DAB1: variants seen among roughly 807,000 people sequenced by gnomAD.
The protein encoded by DAB1 is DAB adaptor protein 1, also known as disabled homolog 1.
A neutral mutation model predicts 64.6 loss-of-function variants in DAB1; 15 were observed. The ratio of observed to expected loss-of-function variants is 0.23; its 90% CI spans 0.16 to 0.36. DAB1 has a LOEUF of 0.36. Ranked by LOEUF, DAB1 falls within the 10% of genes least tolerant of loss-of-function variation. The pLI, the probability that DAB1 is intolerant of heterozygous loss-of-function variation, is 1.00. For missense variants in DAB1, 596 were observed against 706.7 expected (o/e 0.84, Z 1.78); for synonymous variants, 235 against 251.9 (o/e 0.93, Z 0.64).
At chr1:57,473,322 A>G (rs1374046593) in intron 7 of DAB1, among the ~76,000 whole-genome samples, 1 of 152,154 alleles carries the variant, frequency 6.6e-6, no homozygotes, top group East Asian at 1.9e-4. Flanking sequence ...TGCCCTGGGT[A>G]TTGATTGCCG....
In DAB1 at chr1:58,383,248, A is replaced by G. The variant is rs528767778; in HGVS notation, n.258-39845T>C. Reference sequence around the variant, plus strand: ...AGGTTAAATTATTTAAAAGGATCAAATATAGTAAGTGCATGACAGAGTCAA... The same window carrying G: ...AGGTTAAATTATTTAAAAGGATCAAGTATAGTAAGTGCATGACAGAGTCAA... On this transcript the variant is annotated intron_variant and non_coding_transcript_variant, in intron 3 of 20. Transcript: ENST00000485760. 1.4e-4 allele frequency among the ~76,000 whole-genome samples: 21 copies of G among 152,328 alleles called. No individual in the cohort carries two copies. In the South Asian group the frequency reaches 4.1e-3, roughly 30 times the overall value.
At chr1:58,317,924 C>T (rs1423071174) in intron 4 of DAB1, among the ~76,000 whole-genome samples, 2 of 152,234 alleles carry the variant, frequency 1.3e-5, no homozygotes, top group African/African-American at 4.8e-5. Flanking sequence ...ACAGTGAGTT[C>T]TGCAAAGTCA....
At chr1:57,240,537 C>T (rs12567531) in intron 2 of DAB1, among the ~76,000 whole-genome samples, 1 of 152,100 alleles carries the variant, frequency 6.6e-6, no homozygotes, top group Non-Finnish European at 1.5e-5. Context: ...TGAGGATAAC[C>T]AAGGCTCAGA....
intron 3 of DAB1, among the ~76,000 whole-genome samples, chr1:58,452,048 T>C (rs1645143262): frequency 6.6e-6 from 1 of 151,544 alleles, no homozygotes; most frequent in African/African-American, 2.4e-5. Flanking sequence ...TTCTCTTGCC[T>C]TAGCCTCCTG....
chr1:57,916,058 C>A (rs1644722957), intron 5 of DAB1, among the ~76,000 whole-genome samples: 1 of 152,214 alleles, frequency 6.6e-6, no homozygotes. Flanking sequence ...GACCCCGGGT[C>A]TTCTTCCTCT....
chr1:58,159,015 T>C (rs1186931841), intron 4 of DAB1, among the ~76,000 whole-genome samples: 3 of 152,166 alleles, frequency 2.0e-5, no homozygotes, highest in Admixed American at 6.5e-5. Flanking sequence ...ACCTTCAAAA[T>C]AGAACTGGAG....
chr1:57,716,353 T>C (rs1647083921), intron 6 of DAB1, among the ~76,000 whole-genome samples: 1 of 152,182 alleles, frequency 6.6e-6, no homozygotes, highest in Non-Finnish European at 1.5e-5. Flanking sequence ...TACAAAACTA[T>C]AGTGCCAAAA....
At chr1:58,453,576 C>T (rs972760043) in intron 3 of DAB1, among the ~76,000 whole-genome samples, 8 of 152,090 alleles carry the variant, frequency 5.3e-5, no homozygotes, top group African/African-American at 9.7e-5. Flanking sequence ...GCCCGTGACC[C>T]GAGGCGTGCT....
chr1:58,219,063 T>C (rs766292214), intron 4 of DAB1, among the ~76,000 whole-genome samples: 104 of 150,198 alleles, frequency 6.9e-4, no homozygotes, highest in Admixed American at 2.5e-3. Context: ...AAAATACAGA[T>C]ACATTTTTTC....
At chr1:58,045,541 A>G (rs1360645897) in intron 5 of DAB1, among the ~76,000 whole-genome samples, 3 of 152,160 alleles carry the variant, frequency 2.0e-5, no homozygotes, top group South Asian at 4.1e-4. Context: ...TCCTGGGGGA[A>G]CTTCTGAGAG....
intron 4 of DAB1, among the ~76,000 whole-genome samples, chr1:58,156,786 G>A (rs900771577): frequency 3.9e-5 from 6 of 152,294 alleles, no homozygotes; most frequent in African/African-American, 1.4e-4. Flanking sequence ...TGTGGAAGGA[G>A]TTTAGACTGA....
chr1:58,417,305 T>C (rs1301926581), intron 3 of DAB1, among the ~76,000 whole-genome samples: 1 of 152,198 alleles, frequency 6.6e-6, no homozygotes. Flanking sequence ...GCATCAGACC[T>C]GGGAAAGAAC....
At chr1:57,557,620 T>C (rs925858516) in intron 7 of DAB1, among the ~76,000 whole-genome samples, 14 of 152,150 alleles carry the variant, frequency 9.2e-5, no homozygotes, top group African/African-American at 3.4e-4. Context: ...CTTAATATGA[T>C]TGACCCCAAA....
chr1:57,206,930 T>C (rs187701931), intron 2 of DAB1, among the ~76,000 whole-genome samples: 8 of 149,246 alleles, frequency 5.4e-5, no homozygotes, highest in Admixed American at 1.3e-4. Flanking sequence ...AACTCTTCTT[T>C]TCTTCTTTCT....
rs563355059 is a variant in DAB1 at position 57,543,247 on chromosome 1, G to T, written n.625+106345C>A. ...TGTTGAAGGGCAGATTCAGGCAGAT[G>T]AAATGGTTTAGGCAGAACCACATAG... On this transcript the variant is annotated intron_variant and non_coding_transcript_variant, in intron 7 of 20. Coordinates refer to the DAB1 transcript ENST00000485760. 2.0e-5 allele frequency among the ~76,000 whole-genome samples: 3 copies of T among 152,318 alleles called. No homozygotes were observed. The South Asian group carries it at 6.2e-4, about 32-fold the overall frequency.
intron 7 of DAB1, among the ~76,000 whole-genome samples, chr1:57,576,035 A>G (rs973636080): frequency 6.6e-6 from 1 of 152,248 alleles, no homozygotes; most frequent in South Asian, 2.1e-4. Flanking sequence ...CCAACTTAAA[A>G]TAGTTCAATT....
intron 7 of DAB1, among the ~76,000 whole-genome samples, chr1:57,494,621 A>G (rs1437328730): frequency 1.3e-5 from 2 of 152,224 alleles, no homozygotes; most frequent in African/African-American, 4.8e-5. Context: ...AGCTTGTATA[A>G]GTAGGCAAAC....
chr1:58,197,940 T>G (rs1044434536), intron 4 of DAB1, among the ~76,000 whole-genome samples: 7 of 152,204 alleles, frequency 4.6e-5, no homozygotes, highest in Non-Finnish European at 8.8e-5. Context: ...TGTAAATCTA[T>G]TCCCATCATC....
intron 5 of DAB1, among the ~76,000 whole-genome samples, chr1:57,899,674 G>C (rs1261303209): frequency 2.6e-5 from 4 of 151,426 alleles, no homozygotes; most frequent in African/African-American, 9.8e-5. Context: ...TTTCCACAAA[G>C]CTTCCCAAGG....
Sources: allele counts gnomAD v4.1 joint callset (sites outside exome capture counted in the v4.1 genomes callset), GRCh38; gene constraint gnomAD v4.1.1; transcripts MANE v1.5; gene names NCBI Gene and HGNC (gene_info 2026-07-23, HGNC 2026-07-21).